Variants in TMEM132B observed in about 807,000 individuals in gnomAD.
TMEM132B encodes the protein transmembrane protein 132B.
In TMEM132B, 18 loss-of-function variants were observed where a neutral mutation model predicts 90.8. The ratio of observed to expected loss-of-function variants is 0.20; its 90% confidence interval spans 0.14 to 0.29. The LOEUF is 0.29. Among genes scored for constraint, TMEM132B ranks in the 10% least tolerant of loss-of-function variants. The pLI is 1.00. For synonymous variants in TMEM132B, 504 were observed against 523.3 expected (o/e 0.96, Z 0.50); for missense variants, 1,096 against 1,326.8 (o/e 0.83, Z 2.70).
intron 1 of TMEM132B, among the ~76,000 whole-genome samples, chr12:125,298,597 C>T (rs918724870): frequency 5.6e-5 from 8 of 144,068 alleles, no homozygotes; most frequent in Admixed American, 4.2e-4. Flanking sequence ...TCACTTGAAC[C>T]CGGGAGGCAG....
intron 6 of TMEM132B, 109 bp from the exon 7 acceptor site, chr12:125,650,574 A>C: frequency 1.5e-6 from 2 of 1,319,482 alleles, no homozygotes; most frequent in Non-Finnish European, 1.0e-6. Context: ...CTGCAGGAGA[A>C]GGACCATTTC....
intron 2 of TMEM132B, 110 bp downstream of exon 2, chr12:125,350,453 A>G: frequency 7.8e-7 from 1 of 1,286,984 alleles, no homozygotes; most frequent in Non-Finnish European, 1.1e-6. Context: ...TCAAAAATGA[A>G]TACAGCTGGT....
chr12:125,586,181 AT>A (rs1419821901), intron 5 of TMEM132B: 1 of 152,174 alleles, frequency 6.6e-6, no homozygotes, highest in Admixed American at 6.5e-5. Flanking sequence ...ACACTGAATG[AT>A]TTTTAGGGAG....
intron 2 of TMEM132B, among the ~76,000 whole-genome samples, chr12:125,414,027 C>T (rs895337229): frequency 6.6e-6 from 1 of 152,148 alleles, no homozygotes; most frequent in East Asian, 1.9e-4. Context: ...TTATTTTAGC[C>T]ATCCCAGTGG....
chr12:125,508,037 G>GTAATA (rs1882889407), intron 3 of TMEM132B, among the ~76,000 whole-genome samples: 1 of 152,160 alleles, frequency 6.6e-6, no homozygotes, highest in Non-Finnish European at 1.5e-5. Context: ...CAGGCTTCCT[G>GTAATA]GACACATTAC....
At chr12:125,453,599 C>A (rs1359109744) in intron 3 of TMEM132B, among the ~76,000 whole-genome samples, 1 of 152,150 alleles carries the variant, frequency 6.6e-6, no homozygotes, top group East Asian at 1.9e-4. Context: ...GCAAAAAAAT[C>A]ACTGAAAACC....
chr12:125,205,503 C>T (rs559350007), intron 1 of TMEM132B, among the ~76,000 whole-genome samples: 5 of 147,938 alleles, frequency 3.4e-5, no homozygotes, highest in South Asian at 2.2e-4. Context: ...GAGGGTACCA[C>T]GTGCCAGGCA....
intron 5 of TMEM132B, among the ~76,000 whole-genome samples, chr12:125,626,570 A>G (rs1266945221): frequency 6.6e-6 from 1 of 152,180 alleles, no homozygotes. Context: ...GGCTGGGTAT[A>G]GAACTATAGG....
chr12:125,376,323 A>T (rs1257796970), intron 2 of TMEM132B, among the ~76,000 whole-genome samples: 2 of 152,096 alleles, frequency 1.3e-5, no homozygotes, highest in East Asian at 3.9e-4. Context: ...TCCTCCCCAG[A>T]TAAATTTGAG....
intron 1 of TMEM132B, among the ~76,000 whole-genome samples, chr12:125,287,452 C>CTAA (rs1453280509): frequency 3.9e-5 from 6 of 152,148 alleles, no homozygotes; most frequent in African/African-American, 1.2e-4. Flanking sequence ...TCTCTAGCAC[C>CTAA]TAAGTAACTA....
chr12:125,549,596 C>G (rs1431890380), intron 4 of TMEM132B, among the ~76,000 whole-genome samples: 1 of 152,222 alleles, frequency 6.6e-6, no homozygotes, highest in Non-Finnish European at 1.5e-5. Flanking sequence ...TCATGGGAAA[C>G]ACATGTGATG....
At chr12:125,508,576 C>T (rs1227783174) in intron 3 of TMEM132B, among the ~76,000 whole-genome samples, 1 of 152,014 alleles carries the variant, frequency 6.6e-6, no homozygotes. Flanking sequence ...TGGCATGACT[C>T]CAGGACCATG....
At chr12:125,539,051 C>T (rs1159117117) in intron 4 of TMEM132B, among the ~76,000 whole-genome samples, 1 of 152,188 alleles carries the variant, frequency 6.6e-6, no homozygotes, top group African/African-American at 2.4e-5. Context: ...TGTTCCACTC[C>T]CGTGTCATTG....
intron 5 of TMEM132B, among the ~76,000 whole-genome samples, chr12:125,619,029 A>G (rs1343019839): frequency 6.6e-6 from 1 of 152,146 alleles, no homozygotes; most frequent in Admixed American, 6.5e-5. Context: ...GACCTTGAAA[A>G]TTTGGTAGTG....
At chr12:125,316,149 G>C (rs548644877) in intron 1 of TMEM132B, among the ~76,000 whole-genome samples, 1 of 152,160 alleles carries the variant, frequency 6.6e-6, no homozygotes, top group African/African-American at 2.4e-5. Flanking sequence ...TTAGGTGTTG[G>C]AACATTCTTT....
At chr12:125,395,165 A>G (rs1288735321) in intron 2 of TMEM132B, among the ~76,000 whole-genome samples, 4 of 152,212 alleles carry the variant, frequency 2.6e-5, no homozygotes, top group African/African-American at 7.2e-5. Context: ...CTTCATGGAC[A>G]GGAAATATCC....
At chr12:125,352,847 G>C (rs1877634651) in intron 2 of TMEM132B, among the ~76,000 whole-genome samples, 1 of 152,202 alleles carries the variant, frequency 6.6e-6, no homozygotes, top group South Asian at 2.1e-4. Context: ...GGCTCTGGCA[G>C]ATCCCAAGTA....
chr12:125,377,424 A>G (rs778678610), intron 2 of TMEM132B, among the ~76,000 whole-genome samples: 5 of 151,590 alleles, frequency 3.3e-5, no homozygotes, highest in Non-Finnish European at 7.4e-5. Flanking sequence ...CCTTGAGAAC[A>G]AAGAGTGAGG....
chr12:125,189,081 C>G (rs1368591488), intron 1 of TMEM132B, among the ~76,000 whole-genome samples: 3 of 151,992 alleles, frequency 2.0e-5, no homozygotes, highest in African/African-American at 4.8e-5. Flanking sequence ...ATCACACACA[C>G]GCAGGGACTG....
Sources: allele counts gnomAD v4.1 joint callset (sites outside exome capture counted in the v4.1 genomes callset), GRCh38; gene constraint gnomAD v4.1.1; transcripts MANE v1.5; gene names NCBI Gene and HGNC (gene_info 2026-07-23, HGNC 2026-07-21).